Variants in IQSEC1 observed in about 807,000 individuals in gnomAD.
IQSEC1 encodes IQ motif and Sec7 domain ArfGEF 1, also known as IQ motif and SEC7 domain-containing protein 1.
A neutral mutation model predicts 91.0 loss-of-function variants in IQSEC1; 31 were observed. The observed-to-expected ratio is 0.34, with a 90% CI of 0.26 to 0.46. IQSEC1 has a LOEUF of 0.46. Ranked by LOEUF, IQSEC1 falls within the 20% of genes least tolerant of loss-of-function variation. The probability of loss-of-function intolerance (pLI) is 1.00; values close to 1 mark genes in which losing one functional copy is unlikely to be tolerated. For missense variants in IQSEC1, 1,388 were observed against 1,575.6 expected (o/e 0.88, Z 2.02); for synonymous variants, 699 against 662.6 (o/e 1.05, Z -0.84).
intron 1 of IQSEC1, among the ~76,000 whole-genome samples, chr3:13,220,689 G>A (rs890476958): frequency 5.9e-5 from 9 of 152,224 alleles, no homozygotes; most frequent in African/African-American, 1.4e-4. Flanking sequence ...TACAGAGCAC[G>A]GCCTGAGACA....
Position 13,211,654 on chromosome 3 carries a change from A to G in IQSEC1, c.273-47521T>C, listed in dbSNP as rs572380976. 6.6e-6 allele frequency among the ~76,000 whole-genome samples: 1 copy of G among 152,198 alleles called. No individual in the cohort carries two copies. Among genetic ancestry groups the G allele is most frequent in the Non-Finnish European group, 1.5e-5 (1 of 68,030 alleles). On this transcript the variant is annotated intron_variant, in intron 1 of 15. Coordinates refer to the IQSEC1 transcript ENST00000648114. This position sits in a 1 kb window ranked among gnomAD's most constrained non-coding sequence, Gnocchi z 5.3. ...TCCCCTCAGCCTATCCCTGAAGGCC[A>G]GGCCAGGACCCACGAACTGGCACCA...
intron 1 of IQSEC1, among the ~76,000 whole-genome samples, chr3:13,035,410 AG>A (rs1306262608): frequency 6.6e-6 from 1 of 152,172 alleles, no homozygotes; most frequent in Non-Finnish European, 1.5e-5. Context: ...TCAGCCCTCA[AG>A]ACCCATCTCA....
chr3:13,002,756 T>C (rs1292833906), intron 1 of IQSEC1, among the ~76,000 whole-genome samples: 1 of 152,082 alleles, frequency 6.6e-6, no homozygotes, highest in Non-Finnish European at 1.5e-5. Context: ...ATCAAAGAAA[T>C]GCAAATCAAA....
At chr3:13,258,903 C>G (rs1220454725) in intron 1 of IQSEC1, among the ~76,000 whole-genome samples, 2 of 152,196 alleles carry the variant, frequency 1.3e-5, no homozygotes, top group African/African-American at 2.4e-5. Flanking sequence ...CCCACTCCAT[C>G]TGGGATTCTG....
At chr3:13,018,351 G>C (rs944981298) in intron 1 of IQSEC1, among the ~76,000 whole-genome samples, 1 of 152,188 alleles carries the variant, frequency 6.6e-6, no homozygotes, top group Non-Finnish European at 1.5e-5. Context: ...GAAGGCAGAG[G>C]GGGGCAGGGC....
At chr3:13,281,426 G>A (rs1005214543) in intron 1 of IQSEC1, among the ~76,000 whole-genome samples, 2 of 151,058 alleles carry the variant, frequency 1.3e-5, no homozygotes, top group African/African-American at 4.9e-5. Flanking sequence ...TTCACAGAGA[G>A]CAAGAGCCTG....
intron 1 of IQSEC1, among the ~76,000 whole-genome samples, chr3:13,272,510 T>G (rs1220264068): frequency 2.6e-5 from 4 of 152,226 alleles, no homozygotes; most frequent in African/African-American, 9.6e-5. Flanking sequence ...GGGGCATCTG[T>G]TGACTCCTTA....
intron 2 of IQSEC1, among the ~76,000 whole-genome samples, chr3:13,147,663 C>G (rs1202337055): frequency 2.6e-5 from 4 of 152,182 alleles, no homozygotes; most frequent in Non-Finnish European, 5.9e-5. Flanking sequence ...GACAGAGTCT[C>G]ACTCTATTGC....
chr3:13,047,625 G>T (rs1704549576), intron 1 of IQSEC1: 5 of 443,396 alleles, frequency 1.1e-5, no homozygotes, highest in Non-Finnish European at 1.2e-5. Context: ...TCCCAGGACA[G>T]GTCCTGGGGC....
intron 2 of IQSEC1, among the ~76,000 whole-genome samples, chr3:13,091,598 G>A (rs1705862459): frequency 6.6e-6 from 1 of 152,158 alleles, no homozygotes. Context: ...GGTGTGAAAG[G>A]ACCCAGAAGC....
intron 1 of IQSEC1, among the ~76,000 whole-genome samples, chr3:13,072,394 G>A (rs1324844491): frequency 6.6e-6 from 1 of 152,220 alleles, no homozygotes; most frequent in Non-Finnish European, 1.5e-5. Context: ...ACCCGGGCCC[G>A]TGATGTCACC....
rs527631233 is a variant in IQSEC1, at chr3:12,936,486, T to C, written c.530A>G (p.Tyr177Cys). The C allele has an allele frequency of 6.2e-6, 10 of 1,612,812 alleles. No homozygotes were observed. Among genetic ancestry groups the C allele is most frequent in the South Asian group, 1.1e-5 (1 of 91,080 alleles). Residue 177 changes from tyrosine to cysteine, a missense_variant, in exon 3 of 14, where the codon TAC (tyrosine) becomes TGC (cysteine). Transcript: ENST00000613206. ...FEGPEKVHSS[Y>C]FEGKQVSVTN... ...CACTGAGACCTGCTTCCCCTCGAAG[T>C]AGGAGCTGTGCACTTTCTCAGGCCC... is the stretch of plus-strand genomic sequence containing the variant.
intron 1 of IQSEC1, among the ~76,000 whole-genome samples, chr3:13,001,162 T>C (rs768389058): frequency 5.9e-5 from 9 of 152,066 alleles, no homozygotes; most frequent in Non-Finnish European, 8.8e-5. Context: ...GGTTTCACCA[T>C]GTTGGCCAGG....
chr3:12,973,325 T>C (rs1458328204), intron 1 of IQSEC1, among the ~76,000 whole-genome samples: 1 of 152,218 alleles, frequency 6.6e-6, no homozygotes, highest in Non-Finnish European at 1.5e-5. Context: ...TCCTGGGTTG[T>C]TGCTTCATTT....
chr3:13,201,932 A>C (rs995333741), intron 1 of IQSEC1, among the ~76,000 whole-genome samples: 1 of 152,254 alleles, frequency 6.6e-6, no homozygotes, highest in Non-Finnish European at 1.5e-5. Context: ...AGTTAGGACA[A>C]ATGGGAAAAT....
intron 1 of IQSEC1, among the ~76,000 whole-genome samples, chr3:12,978,544 A>AAACT (rs1382181007): frequency 6.6e-6 from 1 of 152,038 alleles, no homozygotes; most frequent in Admixed American, 6.5e-5. Flanking sequence ...TAAAATAAAA[A>AAACT]AAACTACAAA....
intron 2 of IQSEC1, among the ~76,000 whole-genome samples, chr3:13,143,048 C>G (rs1370269195): frequency 4.6e-5 from 7 of 152,244 alleles, no homozygotes; most frequent in Middle Eastern, 3.2e-3. Flanking sequence ...TGGATGCCCT[C>G]CACCCCATCC....
chr3:13,209,041 G>A (rs1375205265), intron 1 of IQSEC1, among the ~76,000 whole-genome samples: 4 of 152,194 alleles, frequency 2.6e-5, no homozygotes, highest in South Asian at 2.1e-4. Flanking sequence ...TCAGACCACC[G>A]ACTGTCCTGG....
At chr3:13,233,615 C>T (rs1352404484) in intron 1 of IQSEC1, among the ~76,000 whole-genome samples, 2 of 152,204 alleles carry the variant, frequency 1.3e-5, no homozygotes, top group Admixed American at 1.3e-4. Flanking sequence ...GACATAACCC[C>T]ACTCTCTTCC....
Sources: gnomAD v4.1 joint callset for allele counts (sites outside exome capture counted in the v4.1 genomes callset) on GRCh38, gnomAD v4.1.1 for gene constraint, Gnocchi (gnomAD v3.1) non-coding constraint, MANE v1.5 for transcripts, NCBI Gene and HGNC (gene_info 2026-07-23, HGNC 2026-07-21) for gene names.